CDH13: variants seen among roughly 807,000 people sequenced by gnomAD.
CDH13 encodes cadherin-13.
Under a neutral mutation model 63.8 loss-of-function variants are expected in CDH13, and 24 were observed. The ratio of observed to expected loss-of-function variants is 0.38; its 90% CI spans 0.27 to 0.53. The LOEUF is 0.53. CDH13 is among the 20% of genes least tolerant of loss of function. The pLI, the probability that CDH13 is intolerant of heterozygous loss-of-function variation, is 0.85. For missense variants in CDH13, 1,049 were observed against 903.1 expected (o/e 1.16, Z -2.07); for synonymous variants, 503 against 355.3 (o/e 1.42, Z -4.67).
chr16:82,802,248 C>T (rs1010522423), intron 1 of CDH13, among the ~76,000 whole-genome samples: 4 of 152,048 alleles, frequency 2.6e-5, no homozygotes, highest in African/African-American at 4.8e-5. Flanking sequence ...AAGAAGAAGA[C>T]GTGGAGATCG....
intron 6 of CDH13, among the ~76,000 whole-genome samples, chr16:83,364,084 T>G (rs562517342): frequency 6.6e-6 from 1 of 152,314 alleles, no homozygotes; most frequent in African/African-American, 2.4e-5. Context: ...CCGAATGAAT[T>G]AACATGTTAT....
At chr16:83,631,119 A>T (rs9938326) in intron 8 of CDH13, among the ~76,000 whole-genome samples, 22,156 of 152,142 alleles carry the variant, frequency 0.15, 1,781 homozygotes, top group East Asian at 0.27. Flanking sequence ...TAGTGAATGT[A>T]AGAAAGGCAT....
intron 4 of CDH13, among the ~76,000 whole-genome samples, chr16:83,212,900 A>G (rs778983688): frequency 6.6e-6 from 1 of 152,164 alleles, no homozygotes; most frequent in South Asian, 2.1e-4. Context: ...CTTGAGACCA[A>G]TTAGTCTAGA....
chr16:82,969,735 A>T (rs7201863), intron 2 of CDH13, among the ~76,000 whole-genome samples: 19,961 of 151,986 alleles, frequency 0.13, 1,668 homozygotes, highest in African/African-American at 0.24. Context: ...GAGGAGAATC[A>T]GGCTAGTCCG....
chr16:83,330,185 A>G (rs1387847346), intron 5 of CDH13, among the ~76,000 whole-genome samples: 2 of 152,206 alleles, frequency 1.3e-5, no homozygotes, highest in Admixed American at 6.5e-5. Context: ...ATAACTAAAT[A>G]GACACACACA....
At chr16:83,075,291 C>A (rs1015289375) in intron 3 of CDH13, among the ~76,000 whole-genome samples, 3 of 152,308 alleles carry the variant, frequency 2.0e-5, no homozygotes. Context: ...TCTCAGGGGA[C>A]CACAAAGAGA....
At chr16:83,114,184 T>C (rs542505914) in intron 3 of CDH13, among the ~76,000 whole-genome samples, 1 of 152,354 alleles carries the variant, frequency 6.6e-6, no homozygotes, top group East Asian at 1.9e-4. Context: ...TAGATGGTGA[T>C]TCAGATGATT....
chr16:83,327,158 C>G (rs905239544), intron 5 of CDH13, among the ~76,000 whole-genome samples: 1 of 152,184 alleles, frequency 6.6e-6, no homozygotes, highest in Non-Finnish European at 1.5e-5. Context: ...GTTCTACTTG[C>G]TTTATTTTCC....
rs569115643 is a variant in CDH13 at position 83,057,700 on chromosome 16, C to T, written c.366+25482C>T. Among the ~76,000 whole-genome samples, 5 of 152,186 alleles carry T rather than the reference C, an allele frequency of 3.3e-5. No individual in the cohort carries two copies. The East Asian group carries it at 5.8e-4, about 18-fold the overall frequency. The stretch of plus-strand genomic sequence containing the variant: ...CTTTCTTCCTGGCCATTCCCTTTGA[C>T]CTGAGCTGTCTTGAATATTCTTAAG... On this transcript the variant is annotated intron_variant, in intron 3 of 13. Transcript: ENST00000567109.
intron 3 of CDH13, among the ~76,000 whole-genome samples, chr16:83,117,297 G>A (rs184757559): frequency 2.3e-4 from 35 of 152,146 alleles, no homozygotes; most frequent in Non-Finnish European, 4.9e-4. Context: ...CCTTGCCCAC[G>A]CCAGCAGCTG....
intron 5 of CDH13, among the ~76,000 whole-genome samples, chr16:83,310,871 T>G (rs555592388): frequency 6.6e-6 from 1 of 152,202 alleles, no homozygotes; most frequent in South Asian, 2.1e-4. Flanking sequence ...CAAACCCAAC[T>G]GAGCCAGTTT....
intron 7 of CDH13, among the ~76,000 whole-genome samples, chr16:83,493,450 T>C (rs2074065036): frequency 6.6e-6 from 1 of 152,214 alleles, no homozygotes; most frequent in African/African-American, 2.4e-5. Context: ...TTGAGCTGCC[T>C]GCATTGGAGG....
At chr16:83,575,272 G>T (rs1169727820) in intron 7 of CDH13, among the ~76,000 whole-genome samples, 1 of 152,124 alleles carries the variant, frequency 6.6e-6, no homozygotes, top group East Asian at 1.9e-4. Flanking sequence ...AAAAACAATT[G>T]AATTGTACAC....
intron 1 of CDH13, among the ~76,000 whole-genome samples, chr16:82,835,999 A>C (rs2038751976): frequency 6.6e-6 from 1 of 152,094 alleles, no homozygotes; most frequent in Non-Finnish European, 1.5e-5. Context: ...GCCATGATTC[A>C]CTCACAGCAT....
chr16:82,699,659 C>T (rs1306523180), intron 1 of CDH13, among the ~76,000 whole-genome samples: 1 of 152,194 alleles, frequency 6.6e-6, no homozygotes, highest in African/African-American at 2.4e-5. Context: ...AAAATGTAAT[C>T]AGTACACACA....
intron 7 of CDH13, among the ~76,000 whole-genome samples, chr16:83,590,859 A>C (rs1273966807): frequency 6.7e-6 from 1 of 149,398 alleles, no homozygotes; most frequent in Admixed American, 6.6e-5. Context: ...TAAATGCTGC[A>C]GGTGGGCTGT....
At chr16:82,990,527 G>A (rs1311011931) in intron 2 of CDH13, among the ~76,000 whole-genome samples, 1 of 150,212 alleles carries the variant, frequency 6.7e-6, no homozygotes, top group African/African-American at 2.4e-5. Flanking sequence ...CTTGTCGTTT[G>A]TGTGGGTTTT....
Position 82,789,487 on chromosome 16 carries a change from C to T in CDH13, c.46-68875C>T, listed in dbSNP as rs527912671. 1.1e-4 allele frequency among the ~76,000 whole-genome samples: 17 copies of T among 152,232 alleles called. No individual in the cohort carries two copies. In the East Asian group the frequency reaches 1.7e-3, roughly 16 times the overall value. ...TAGACTTAGTGGTGTGGCTTTGAAA[C>T]GACACTTCGCCATTCAGGGATTCAA... is the stretch of plus-strand genomic sequence containing the variant. On this transcript the variant is annotated intron_variant, in intron 1 of 13. Transcript: ENST00000567109.
chr16:83,187,915 G>T (rs894310104), intron 4 of CDH13, among the ~76,000 whole-genome samples: 1 of 152,168 alleles, frequency 6.6e-6, no homozygotes, highest in African/African-American at 2.4e-5. Context: ...TGGGATGAGT[G>T]CAGGGATGCA....
Sources: gnomAD v4.1 joint callset for allele counts (sites outside exome capture counted in the v4.1 genomes callset) on GRCh38, gnomAD v4.1.1 for gene constraint, MANE v1.5 for transcripts, NCBI Gene and HGNC (gene_info 2026-07-23, HGNC 2026-07-21) for gene names.